The following DGKZ variants were observed in gnomAD, a reference collection of about 807,000 sequenced individuals.
DGKZ encodes the protein DAG kinase zeta.
A neutral mutation model predicts 142.5 loss-of-function variants in DGKZ; 45 were observed. The observed-to-expected ratio is 0.32, with a 90% CI of 0.25 to 0.40. DGKZ has a LOEUF of 0.40. Among genes scored for constraint, DGKZ ranks in the 10% least tolerant of loss-of-function variants. The pLI, the probability that DGKZ is intolerant of heterozygous loss-of-function variation, is 1.00. For synonymous variants in DGKZ, 442 were observed against 527.0 expected, an observed-to-expected ratio of 0.84 and a Z score of 2.21; for missense variants, 755 against 1,306.5, an observed-to-expected ratio of 0.58 and a Z score of 6.51.
chr11:46,350,622 G>A (rs543567314), intron 1 of DGKZ, among the ~76,000 whole-genome samples: 2 of 152,176 alleles, frequency 1.3e-5, no homozygotes, highest in Non-Finnish European at 2.9e-5. Context: ...CTGCATGCGG[G>A]CCCTGGCTCA....
intron 1 of DGKZ, chr11:46,364,833 A>G: frequency 1.0e-6 from 1 of 985,342 alleles, no homozygotes; most frequent in Non-Finnish European, 1.2e-6. Flanking sequence ...AGGGGACCAC[A>G]GGGCTTCTTC....
intron 1 of DGKZ, among the ~76,000 whole-genome samples, chr11:46,356,180 A>G (rs1047728756): frequency 5.9e-5 from 9 of 152,182 alleles, no homozygotes; most frequent in African/African-American, 1.9e-4. Flanking sequence ...CGAGGGGTTT[A>G]TAACAAAGGG....
intron 14 of DGKZ, 102 bp from the exon 15 acceptor site, chr11:46,374,055 C>G: frequency 2.3e-6 from 3 of 1,299,328 alleles, no homozygotes; most frequent in Non-Finnish European, 3.3e-6. Flanking sequence ...CCAGGAAAAG[C>G]CTGTGAACAG....
At chr11:46,333,596 T>G in intron 1 of DGKZ, 1 of 1,044,544 alleles carries the variant, frequency 9.6e-7, no homozygotes, top group South Asian at 1.4e-5. Flanking sequence ...GCGCTGGGAG[T>G]TTAGAGATGA....
rs1308741637 is a variant in DGKZ at position 46,372,187 on chromosome 11, C to G, written c.927+17C>G. ...GGCAACCAGGTGAACGCGGCCTTGC[C>G]TCTCAGCTAAGGGCTCGGGCGGGGG... On this transcript the variant is annotated intron_variant, in intron 10 of 30. Transcript: ENST00000527911. This position sits in a 1 kb window ranked among gnomAD's most constrained non-coding sequence, Gnocchi z 5.9. 1.5e-5 allele frequency: 24 copies of G among 1,591,944 alleles called. No individual in the cohort carries two copies. Among genetic ancestry groups the G allele is most frequent in the Non-Finnish European group, 1.9e-5 (22 of 1,167,042 alleles).
Position 46,367,418 on chromosome 11 carries a change from C to G in DGKZ, c.270+19C>G. On this transcript the variant is annotated intron_variant, in intron 2 of 30. Coordinates refer to ENST00000527911, the Ensembl canonical transcript of DGKZ. The surrounding 1 kb of genome is among the most constrained non-coding windows in gnomAD (Gnocchi z 4.1). ...CTGGAGCGTGAGTGCCTGAACACCC[C>G]TGGGTCCCAGACCCTCTGGGCTCTT... 6.2e-7 allele frequency: 1 copy of G among 1,610,688 alleles called. No homozygotes were observed. Among genetic ancestry groups the G allele is most frequent in the Non-Finnish European group, 8.5e-7 (1 of 1,178,146 alleles).
intron 1 of DGKZ, among the ~76,000 whole-genome samples, chr11:46,334,960 C>G (rs908241194): frequency 8.5e-5 from 13 of 152,132 alleles, no homozygotes; most frequent in Admixed American, 7.2e-4. Flanking sequence ...GGCGTCAGTT[C>G]TTTACTTTTA....
At chr11:46,376,076 G>A in exon 22 of DGKZ, 1 of 1,611,940 alleles carries the variant, frequency 6.2e-7, no homozygotes, top group Non-Finnish European at 8.5e-7. Context: ...CTGTGCCGCT[G>A]GGCACTGTGG....
intron 1 of DGKZ, among the ~76,000 whole-genome samples, chr11:46,338,161 G>A (rs1471513923): frequency 2.6e-5 from 4 of 152,080 alleles, no homozygotes. Context: ...TTTCAGCAAC[G>A]CAATACCATT....
At chr11:46,337,662 G>A (rs982189635) in intron 1 of DGKZ, among the ~76,000 whole-genome samples, 1 of 152,046 alleles carries the variant, frequency 6.6e-6, no homozygotes, top group Non-Finnish European at 1.5e-5. Flanking sequence ...GGGCCTGGAC[G>A]CCTCCATGCT....
upstream of DGKZ, among the ~76,000 whole-genome samples, chr11:46,345,093 C>T (rs554737700): frequency 3.0e-4 from 46 of 152,324 alleles, no homozygotes; most frequent in South Asian, 8.9e-3. This position sits in a 1 kb window ranked among gnomAD's most constrained non-coding sequence, Gnocchi z 4.1. Flanking sequence ...TGTCATAAAG[C>T]GGGAGACCTC....
upstream of DGKZ, among the ~76,000 whole-genome samples, chr11:46,345,061 C>T (rs1284303928): frequency 6.6e-6 from 1 of 152,206 alleles, no homozygotes; most frequent in Non-Finnish European, 1.5e-5. This position sits in a 1 kb window ranked among gnomAD's most constrained non-coding sequence, Gnocchi z 4.1. Flanking sequence ...GCTGGGCACA[C>T]CCAGCCATTG....
chr11:46,360,155 G>C (rs887318632), intron 1 of DGKZ, among the ~76,000 whole-genome samples: 1 of 152,092 alleles, frequency 6.6e-6, no homozygotes, highest in African/African-American at 2.4e-5. Context: ...CCTTCTATTA[G>C]GCCAGATGTT....
At chr11:46,375,717 C>G (rs554511859) in intron 20 of DGKZ, 86 bp downstream of exon 20, 2 of 1,502,604 alleles carry the variant, frequency 1.3e-6, no homozygotes, top group Non-Finnish European at 1.8e-6. Context: ...GTAAAAGGGG[C>G]TGACTGTCCC....
At chr11:46,366,901 C>T (rs758978966) in intron 1 of DGKZ, 6 of 1,547,272 alleles carry the variant, frequency 3.9e-6, no homozygotes, top group African/African-American at 2.7e-5. Flanking sequence ...TGCTGCCCAC[C>T]CGTGTGCGCC....
exon 1 of DGKZ, chr11:46,333,372 G>A (rs1356076456): frequency 7.2e-7 from 1 of 1,381,732 alleles, no homozygotes; most frequent in Non-Finnish European, 9.3e-7. Context: ...ATGCCGGCGC[G>A]GGGAGGAGGC....
Position 46,372,744 on chromosome 11 carries a change from G to A in DGKZ, c.1072-27G>A. On this transcript the variant is annotated intron_variant, in intron 12 of 30. Transcript: ENST00000527911. The surrounding 1 kb of genome is among the most constrained non-coding windows in gnomAD (Gnocchi z 5.9). ...CTGAAGCCGGGGTCCCTGTGGGCCT[G>A]ATTTGCCTCTGTTCTTCCTCCCCCA... is the stretch of plus-strand genomic sequence containing the variant. 1 of 1,609,904 alleles carries A rather than the reference G, an allele frequency of 6.2e-7. No homozygotes were observed. Among genetic ancestry groups the A allele is most frequent in the South Asian group, 1.1e-5 (1 of 90,634 alleles).
intron 5 of DGKZ, 138 bp from the exon 6 acceptor site, chr11:46,369,803 T>G: frequency 4.0e-6 from 4 of 987,744 alleles, no homozygotes. Context: ...ATGAAGAGAG[T>G]CTTTAGCCCC....
upstream of DGKZ, among the ~76,000 whole-genome samples, chr11:46,346,211 TG>T: frequency 6.6e-6 from 1 of 152,184 alleles, no homozygotes; most frequent in Admixed American, 6.5e-5. Flanking sequence ...TATTTGCGGC[TG>T]ACTAAGGCTG....
Sources: allele counts gnomAD v4.1 joint callset (sites outside exome capture counted in the v4.1 genomes callset), GRCh38; gene constraint gnomAD v4.1.1; non-coding constraint Gnocchi (gnomAD v3.1); transcripts MANE v1.5; gene names NCBI Gene and HGNC (gene_info 2026-07-23, HGNC 2026-07-21).